The following NFIB variants were observed in gnomAD, a reference collection of about 807,000 sequenced individuals.
The protein encoded by NFIB is nuclear factor 1 B-type.
In NFIB, 11 loss-of-function variants were observed where a neutral mutation model predicts 61.5. The ratio of observed to expected loss-of-function variants is 0.18; its 90% CI spans 0.11 to 0.30. The LOEUF is 0.30. Ranked by LOEUF, NFIB falls within the 10% of genes least tolerant of loss-of-function variation. NFIB has a pLI of 1.00. For synonymous variants in NFIB, 260 were observed against 216.5 expected (o/e 1.20, Z -1.76); for missense variants, 471 against 608.9 (o/e 0.77, Z 2.38).
At chr9:14,263,692 G>A (rs1013601680) in intron 2 of NFIB, among the ~76,000 whole-genome samples, 4 of 152,158 alleles carry the variant, frequency 2.6e-5, no homozygotes, top group Non-Finnish European at 5.9e-5. Context: ...CATCTGTGAC[G>A]AAGAACAGTT....
the NFIB span, among the ~76,000 whole-genome samples, chr9:14,490,523 C>A: frequency 1.3e-5 from 2 of 151,872 alleles, no homozygotes; most frequent in African/African-American, 4.8e-5. Context: ...TGAAAAGATG[C>A]CAAAATATGG....
chr9:14,498,637 T>C, the NFIB span, among the ~76,000 whole-genome samples: 1 of 152,012 alleles, frequency 6.6e-6, no homozygotes. Context: ...GAAATTTGGG[T>C]GTCTGGAAGT....
chr9:14,477,808 TG>T, the NFIB span, among the ~76,000 whole-genome samples: 1 of 152,210 alleles, frequency 6.6e-6, no homozygotes, highest in Non-Finnish European at 1.5e-5. Context: ...TTGTTATCAT[TG>T]GGTTCTTTTG....
the NFIB span, among the ~76,000 whole-genome samples, chr9:14,517,612 G>A: frequency 6.7e-6 from 1 of 150,286 alleles, no homozygotes; most frequent in Admixed American, 6.6e-5. Flanking sequence ...GTGTGTGGTA[G>A]CGGTGGTCGT....
intron 1 of NFIB, among the ~76,000 whole-genome samples, chr9:14,372,273 C>G (rs1158926412): frequency 1.3e-5 from 2 of 152,036 alleles, no homozygotes; most frequent in East Asian, 3.9e-4. Flanking sequence ...AGTTTGATTT[C>G]CTGGTACTAA....
intron 2 of NFIB, among the ~76,000 whole-genome samples, chr9:14,217,399 G>A (rs990979477): frequency 7.2e-5 from 11 of 152,096 alleles, no homozygotes; most frequent in Non-Finnish European, 1.0e-4. Context: ...GGTGGCTCAC[G>A]TCTGTAATCC....
chr9:14,321,110 G>A (rs1160100068), intron 1 of NFIB, among the ~76,000 whole-genome samples: 1 of 152,104 alleles, frequency 6.6e-6, no homozygotes. Flanking sequence ...CCTTCAATCT[G>A]AAAGCTGCCA....
the NFIB span, among the ~76,000 whole-genome samples, chr9:14,456,351 A>C: frequency 6.6e-6 from 1 of 152,126 alleles, no homozygotes; most frequent in South Asian, 2.1e-4. Context: ...TCAACTACTT[A>C]ATAATAAAGT....
chr9:14,330,081 C>T (rs1048060320), intron 1 of NFIB, among the ~76,000 whole-genome samples: 4 of 152,010 alleles, frequency 2.6e-5, no homozygotes, highest in Middle Eastern at 3.4e-3. Context: ...GAGCCAAGAT[C>T]GCGCCACTGC....
upstream of NFIB, among the ~76,000 whole-genome samples, chr9:14,316,241 C>T (rs2060537053): frequency 6.6e-6 from 1 of 152,256 alleles, no homozygotes; most frequent in Non-Finnish European, 1.5e-5. Context: ...TAGGGAAATG[C>T]TCAAACACAG....
rs528142738 is a variant in NFIB at position 14,109,825 on chromosome 9, T to C, written c.1467+3174A>G. Among the ~76,000 whole-genome samples the C allele has an allele frequency of 1.9e-4, 29 of 152,206 alleles. No homozygotes were observed. In the South Asian group the frequency reaches 5.6e-3, roughly 29 times the overall value. Reference sequence around the variant, plus strand: ...AATAGTCTCCAGGACTATGTGAATTTATTTTTTAGATTCAAATGAGATATA... The same window carrying C: ...AATAGTCTCCAGGACTATGTGAATTCATTTTTTAGATTCAAATGAGATATA... On this transcript the variant is annotated intron_variant, in intron 10 of 10. Coordinates refer to ENST00000380953, the MANE Select transcript of NFIB (RefSeq NM_001190737.2).
At chr9:14,518,205 A>G in the NFIB span, among the ~76,000 whole-genome samples, 2 of 152,126 alleles carry the variant, frequency 1.3e-5, no homozygotes, top group Admixed American at 1.3e-4. Context: ...TCATAAAGAT[A>G]TTTTTCTATA....
At position 14,235,969 on chromosome 9, in the gene NFIB, T is replaced by C. The variant is rs143626730; in HGVS notation, c.563-56189A>G. On this transcript the variant is annotated intron_variant, in intron 2 of 10. Transcript: ENST00000380953. Reference sequence around the variant, plus strand: ...AAAGAATCAATGCCTGATATTGCATTATTTCCTAAAAGCAGATTTTGATGG... The same window carrying C: ...AAAGAATCAATGCCTGATATTGCATCATTTCCTAAAAGCAGATTTTGATGG... 1.7e-3 allele frequency among the ~76,000 whole-genome samples: 259 copies of C among 152,322 alleles called. 1 individual carries two copies. Among genetic ancestry groups the C allele is most frequent in the African/African-American group, 6.1e-3 (253 of 41,574 alleles).
intron 10 of NFIB, among the ~76,000 whole-genome samples, chr9:14,091,254 TA>T (rs539772846): frequency 0.015 from 2,238 of 145,372 alleles, 32 homozygotes; most frequent in African/African-American, 0.034. Context: ...GTAGTCCTGT[TA>T]AAAAAAAAAA....
chr9:14,388,033 G>T (rs2061569611), intron 1 of NFIB, among the ~76,000 whole-genome samples: 1 of 152,088 alleles, frequency 6.6e-6, no homozygotes, highest in Admixed American at 6.6e-5. Context: ...TGCTCAAGAA[G>T]ATGTACAAAA....
chr9:14,329,746 C>T (rs1425698305), intron 1 of NFIB, among the ~76,000 whole-genome samples: 1 of 151,470 alleles, frequency 6.6e-6, no homozygotes, highest in Non-Finnish European at 1.5e-5. Flanking sequence ...AACTCCTGAC[C>T]TCATGATCCA....
chr9:14,284,452 C>T (rs867343949), intron 2 of NFIB, among the ~76,000 whole-genome samples: 1 of 152,002 alleles, frequency 6.6e-6, no homozygotes, highest in Non-Finnish European at 1.5e-5. Context: ...TAAGGGGTGG[C>T]GGAATTTTTG....
chr9:14,392,291 T>C (rs2061632169), intron 1 of NFIB, among the ~76,000 whole-genome samples: 1 of 152,250 alleles, frequency 6.6e-6, no homozygotes, highest in African/African-American at 2.4e-5. Context: ...GATCATTGTC[T>C]ATCAACATTG....
intron 10 of NFIB, among the ~76,000 whole-genome samples, chr9:14,099,514 G>A (rs975977218): frequency 6.6e-6 from 1 of 152,022 alleles, no homozygotes; most frequent in Admixed American, 6.6e-5. Flanking sequence ...TCATGCCACC[G>A]ACAAGGGCTA....
Sources: gnomAD v4.1 joint callset for allele counts (sites outside exome capture counted in the v4.1 genomes callset) on GRCh38, gnomAD v4.1.1 for gene constraint, MANE v1.5 for transcripts, NCBI Gene and HGNC (gene_info 2026-07-23, HGNC 2026-07-21) for gene names.